The following KIF27 variants were observed in gnomAD, a reference collection of about 807,000 sequenced individuals.
KIF27 encodes kinesin-like protein KIF27.
In KIF27, 84 loss-of-function variants were observed where a neutral mutation model predicts 141.8. The observed-to-expected ratio is 0.59, with a 90% confidence interval of 0.50 to 0.71. The LOEUF is 0.71. Ranked by LOEUF, KIF27 falls within the 30% of genes least tolerant of loss-of-function variation. The pLI is 0.00. For synonymous variants in KIF27, 471 were observed against 569.5 expected (o/e 0.83, Z 2.46); for missense variants, 1,306 against 1,628.4 (o/e 0.80, Z 3.41).
chr9:83,838,710 A>G (rs544784786), intron 17 of KIF27: 36 of 152,366 alleles, frequency 2.4e-4, no homozygotes, highest in Middle Eastern at 3.4e-3. Context: ...TAGAAAAACT[A>G]TAAGAGTTAA....
chr9:83,887,316 G>A (rs1235952633), intron 8 of KIF27, 120 bp from the exon 9 acceptor site: 13 of 597,726 alleles, frequency 2.2e-5, no homozygotes, highest in Non-Finnish European at 3.2e-5. Flanking sequence ...GAGACAAAAA[G>A]GAAGGGGAGG....
chr9:83,903,450 T>C lies in KIF27; in HGVS notation c.1068A>G (p.Ile356Met). Reference protein sequence around the residue: ...TVNFSPESDRIDEMEFEIKLL... With the variant: ...TVNFSPESDRMDEMEFEIKLL... ...ATTTAATCTCAAATTCCATTTCATC[T>C]ATACGGTCTGACTCGGGGCTGAAGT... is the stretch of plus-strand genomic sequence containing the variant. Residue 356 changes from isoleucine (I) to methionine (M), a missense_variant, in exon 4 of 18, where the codon ATA (isoleucine) becomes ATG (methionine). Transcript: ENST00000297814. 3.7e-6 allele frequency: 6 copies of C among 1,614,186 alleles called. No homozygotes were observed. Among genetic ancestry groups the C allele is most frequent in the Non-Finnish European group, 5.1e-6 (6 of 1,180,040 alleles).
At chr9:83,848,002 T>A (rs1409946656) in intron 16 of KIF27, 1 of 144,820 alleles carries the variant, frequency 6.9e-6, no homozygotes, top group Non-Finnish European at 1.5e-5. Flanking sequence ...ATATTTTATA[T>A]ATCTATATAT....
chr9:83,845,683 T>G (rs1189537925), intron 16 of KIF27, among the ~76,000 whole-genome samples: 3 of 152,198 alleles, frequency 2.0e-5, no homozygotes, highest in Non-Finnish European at 4.4e-5. Context: ...GGGCAGAACT[T>G]TGAACAGTGC....
chr9:83,899,914 A>T, intron 4 of KIF27, 110 bp from the exon 5 acceptor site: 4 of 831,530 alleles, frequency 4.8e-6, no homozygotes, highest in Non-Finnish European at 7.0e-6. Flanking sequence ...TGTCTCATAA[A>T]TTTTTTTTCA....
intron 13 of KIF27, among the ~76,000 whole-genome samples, chr9:83,860,428 C>T (rs897145370): frequency 1.3e-5 from 2 of 152,134 alleles, no homozygotes; most frequent in African/African-American, 4.8e-5. Flanking sequence ...CACTCTTGTA[C>T]CTACTCTACT....
chr9:83,916,199 A>AT (rs1236640895), intron 1 of KIF27, among the ~76,000 whole-genome samples: 1 of 151,832 alleles, frequency 6.6e-6, no homozygotes, highest in Non-Finnish European at 1.5e-5. Flanking sequence ...CACCCAGCTA[A>AT]TTTTTGTATT....
intron 10 of KIF27, among the ~76,000 whole-genome samples, chr9:83,882,154 G>C (rs1223348240): frequency 1.3e-5 from 2 of 148,464 alleles, no homozygotes; most frequent in African/African-American, 5.0e-5. Flanking sequence ...CTTGAGGTCA[G>C]GAGTTTGAGA....
intron 1 of KIF27, among the ~76,000 whole-genome samples, chr9:83,917,171 C>T (rs1253649565): frequency 6.6e-6 from 1 of 151,678 alleles, no homozygotes; most frequent in Non-Finnish European, 1.5e-5. Flanking sequence ...TGTGATGTTC[C>T]CCTTCCTGTG....
intron 5 of KIF27, among the ~76,000 whole-genome samples, chr9:83,897,085 T>C (rs1953337469): frequency 1.3e-5 from 2 of 152,148 alleles, no homozygotes; most frequent in South Asian, 4.1e-4. Context: ...AGTATGTGAA[T>C]TATATCTCAA....
At chr9:83,865,875 T>C (rs1370054695) in intron 13 of KIF27, among the ~76,000 whole-genome samples, 2 of 152,206 alleles carry the variant, frequency 1.3e-5, no homozygotes, top group African/African-American at 4.8e-5. Context: ...GGGCCACTTA[T>C]TTAAGTGGGG....
chr9:83,878,247 G>T (rs1270710318), intron 11 of KIF27, among the ~76,000 whole-genome samples: 2 of 139,658 alleles, frequency 1.4e-5, no homozygotes, highest in African/African-American at 5.2e-5. Flanking sequence ...AAAAAGGAAA[G>T]AAACAGGTGT....
At chr9:83,878,478 A>G (rs1305194564) in intron 11 of KIF27, among the ~76,000 whole-genome samples, 1 of 152,220 alleles carries the variant, frequency 6.6e-6, no homozygotes, top group Non-Finnish European at 1.5e-5. Context: ...ATTATTCACA[A>G]TAGCCAAATG....
intron 6 of KIF27, among the ~76,000 whole-genome samples, chr9:83,889,954 T>G (rs2132348100): frequency 6.6e-6 from 1 of 152,330 alleles, no homozygotes; most frequent in East Asian, 1.9e-4. Flanking sequence ...AATTAGAAAT[T>G]GCCTTTATAC....
intron 13 of KIF27, among the ~76,000 whole-genome samples, chr9:83,867,380 A>G (rs192559613): frequency 0.011 from 1,465 of 136,412 alleles, 10 homozygotes; most frequent in Middle Eastern, 0.025. Context: ...AGATAGATCT[A>G]TCTATCTATC....
chr9:83,890,748 C>T (rs1952598146), intron 6 of KIF27, among the ~76,000 whole-genome samples: 1 of 152,152 alleles, frequency 6.6e-6, no homozygotes. Flanking sequence ...ACCTGCTAAA[C>T]CAAAACTCAT....
intron 16 of KIF27, among the ~76,000 whole-genome samples, chr9:83,844,317 GAT>G (rs1184414986): frequency 3.3e-5 from 5 of 151,226 alleles, no homozygotes; most frequent in Admixed American, 1.3e-4. Context: ...GAGAGATATA[GAT>G]ATATAGATAG....
rs1363197861 is a variant in KIF27 at position 83,837,504 on chromosome 9, C to T, written c.3722-19G>A. On this transcript the variant is annotated intron_variant, in intron 17 of 17. Transcript: ENST00000297814. ...TCTTGATCTAAAAATAATCCCCAAACCAAAAAATTAGATACTATTTCCTCA... is the reference window on the plus strand; with the variant it reads ...TCTTGATCTAAAAATAATCCCCAAATCAAAAAATTAGATACTATTTCCTCA... 2.6e-6 allele frequency: 4 copies of T among 1,562,738 alleles called. No individual in the cohort carries two copies. The highest frequency in any genetic ancestry group is 2.8e-5 in the African/African-American group (2 of 72,440).
chr9:83,887,623 C>T (rs1222127650), intron 8 of KIF27, among the ~76,000 whole-genome samples: 2 of 152,080 alleles, frequency 1.3e-5, no homozygotes, highest in Admixed American at 1.3e-4. Context: ...TACTGTCCTG[C>T]ACCAGAATGT....
Sources: allele counts gnomAD v4.1 joint callset (sites outside exome capture counted in the v4.1 genomes callset), GRCh38; gene constraint gnomAD v4.1.1; transcripts MANE v1.5; gene names NCBI Gene and HGNC (gene_info 2026-07-23, HGNC 2026-07-21).